Variants in CCSER1 observed in about 807,000 individuals in gnomAD.
CCSER1 encodes serine-rich coiled-coil domain-containing protein 1.
In CCSER1, 41 loss-of-function variants were observed where a neutral mutation model predicts 82.0. That is an observed-to-expected ratio of 0.50 (90% CI 0.39 to 0.65). The LOEUF (loss-of-function observed/expected upper bound fraction) is 0.65. Among genes scored for constraint, CCSER1 ranks in the 30% least tolerant of loss-of-function variants. The pLI, the probability that CCSER1 is intolerant of heterozygous loss-of-function variation, is 0.00. For synonymous variants in CCSER1, 414 were observed against 383.9 expected (o/e 1.08, Z -0.92); for missense variants, 1,119 against 1,064.2 (o/e 1.05, Z -0.72).
At chr4:90,569,437 A>G (rs569430217) in intron 5 of CCSER1, among the ~76,000 whole-genome samples, 6 of 152,310 alleles carry the variant, frequency 3.9e-5, no homozygotes, top group Non-Finnish European at 8.8e-5. Flanking sequence ...ACCATGATCA[A>G]AAAGAGAGGA....
rs565969122 is a variant in CCSER1, at chr4:90,851,476, G to A, written c.2094+35631G>A. On this transcript the variant is annotated intron_variant, in intron 8 of 10. Transcript: ENST00000509176. ...GTACATGGGGAGGGGTGGGGGGGGCGCTGTCCAGTTTTTAAATGGTTGAGA... is the reference window on the plus strand; with the variant it reads ...GTACATGGGGAGGGGTGGGGGGGGCACTGTCCAGTTTTTAAATGGTTGAGA... Among the ~76,000 whole-genome samples, 4 of 151,220 alleles carry A rather than the reference G, an allele frequency of 2.6e-5. No homozygotes were observed. In the East Asian group the frequency reaches 5.9e-4, roughly 22 times the overall value.
At chr4:90,988,582 T>A (rs910595722) in intron 9 of CCSER1, among the ~76,000 whole-genome samples, 1 of 151,712 alleles carries the variant, frequency 6.6e-6, no homozygotes, top group African/African-American at 2.4e-5. Context: ...AACAAAGTGA[T>A]GTTTCTAAAA....
chr4:90,748,283 G>A (rs367647025), intron 7 of CCSER1, among the ~76,000 whole-genome samples: 8,338 of 145,594 alleles, frequency 0.057, 332 homozygotes, highest in Admixed American at 0.11. Context: ...GAGAATATGC[G>A]GTGTTGGGTT....
At chr4:91,229,425 T>C (rs1738450556) in intron 10 of CCSER1, among the ~76,000 whole-genome samples, 1 of 151,986 alleles carries the variant, frequency 6.6e-6, no homozygotes, top group Admixed American at 6.6e-5. Flanking sequence ...TAAAAAATTA[T>C]GTTAGTCTTA....
Position 90,684,609 on chromosome 4 carries a change from TAG to T in CCSER1, c.1933-39302_1933-39301del, listed in dbSNP as rs1207166326. Among the ~76,000 whole-genome samples, 8 of 152,264 alleles carry T rather than the reference TAG, an allele frequency of 5.3e-5. No individual in the cohort carries two copies. The South Asian group carries it at 1.7e-3, about 32-fold the overall frequency. ...GAAACATAGAAAGCAATAAAAAGGT[TAG>T]AGTTATTCATTAATATAATTAGTTG... On this transcript the variant is annotated intron_variant, in intron 6 of 10. Transcript: ENST00000509176.
chr4:90,879,713 AAAG>A (rs996302076), intron 8 of CCSER1, among the ~76,000 whole-genome samples: 8 of 150,446 alleles, frequency 5.3e-5, no homozygotes, highest in Admixed American at 2.0e-4. Flanking sequence ...AAGAAAGAAG[AAAG>A]AAGAACTCTT....
At chr4:91,555,376 T>C (rs771812120) in intron 10 of CCSER1, among the ~76,000 whole-genome samples, 3 of 151,112 alleles carry the variant, frequency 2.0e-5, no homozygotes, top group African/African-American at 2.4e-5. Flanking sequence ...TTATATATTG[T>C]ATGACTTGAA....
chr4:91,276,621 A>G (rs1382033648), intron 10 of CCSER1, among the ~76,000 whole-genome samples: 1 of 151,966 alleles, frequency 6.6e-6, no homozygotes, highest in Non-Finnish European at 1.5e-5. Flanking sequence ...CATTTTTTCA[A>G]TTTGGAATGC....
intron 10 of CCSER1, among the ~76,000 whole-genome samples, chr4:91,227,165 TTTAG>T (rs1011823402): frequency 2.0e-5 from 3 of 151,908 alleles, no homozygotes; most frequent in Non-Finnish European, 4.4e-5. Context: ...ACAATTTAAT[TTTAG>T]TTAGTTATCT....
chr4:91,585,860 A>G (rs2110327110), intron 10 of CCSER1, among the ~76,000 whole-genome samples: 2 of 151,832 alleles, frequency 1.3e-5, no homozygotes, highest in South Asian at 4.1e-4. Context: ...AGGCCATTAC[A>G]AGAATATTTA....
At chr4:90,189,539 T>C (rs1735233637) in intron 1 of CCSER1, among the ~76,000 whole-genome samples, 1 of 151,930 alleles carries the variant, frequency 6.6e-6, no homozygotes, top group Non-Finnish European at 1.5e-5. Flanking sequence ...TATGTATATA[T>C]ATAGATGTGT....
Position 91,600,838 on chromosome 4 carries a change from A to G in CCSER1, c.*1781A>G, listed in dbSNP as rs1420707681. 1 of 152,166 alleles carries G rather than the reference A, an allele frequency of 6.6e-6. No homozygotes were observed. Among genetic ancestry groups the G allele is most frequent in the South Asian group, 2.1e-4 (1 of 4,838 alleles). The allele number at this position is 152,166 out of a possible 1,614,324, so 9.4% of individuals were successfully genotyped here. ...TTTGCGTGTTTGTAATTCTGCCAAA[A>G]GAGAACAATATACACTGCAAATTGC... On this transcript the variant is annotated 3_prime_UTR_variant, in exon 11 of 11. Coordinates refer to ENST00000509176, the MANE Select transcript of CCSER1 (RefSeq NM_001145065.2).
intron 10 of CCSER1, among the ~76,000 whole-genome samples, chr4:91,383,611 T>C (rs1028584644): frequency 6.6e-6 from 1 of 152,150 alleles, no homozygotes; most frequent in Non-Finnish European, 1.5e-5. Flanking sequence ...TTTTGTGCTA[T>C]AGTTTCAAAG....
At chr4:90,918,186 G>T (rs1253503825) in intron 8 of CCSER1, 1 of 441,464 alleles carries the variant, frequency 2.3e-6, no homozygotes, top group Non-Finnish European at 4.5e-6. Context: ...ACTAGTGTCT[G>T]TTAATTGTAT....
At chr4:90,724,123 C>CT in intron 7 of CCSER1, 132 bp downstream of exon 7, 1 of 524,254 alleles carries the variant, frequency 1.9e-6, no homozygotes, top group East Asian at 3.2e-5. Context: ...ATCTTAAAAT[C>CT]GTTTTTTTGT....
chr4:91,451,064 G>A (rs943785993), intron 10 of CCSER1, among the ~76,000 whole-genome samples: 6 of 133,850 alleles, frequency 4.5e-5, no homozygotes, highest in East Asian at 2.6e-4. Flanking sequence ...TTCAGTGTCC[G>A]GTGAATGTGA....
chr4:90,586,255 C>A (rs191818522), intron 5 of CCSER1, among the ~76,000 whole-genome samples: 54 of 152,286 alleles, frequency 3.5e-4, no homozygotes, highest in Admixed American at 7.2e-4. Flanking sequence ...TATACCCCCC[C>A]ACCCCAGTTT....
intron 10 of CCSER1, among the ~76,000 whole-genome samples, chr4:91,437,107 T>A (rs115309793): frequency 6.6e-6 from 1 of 152,204 alleles, no homozygotes; most frequent in Admixed American, 6.5e-5. Context: ...TCCTTGCCTT[T>A]GCATTTAAAT....
chr4:91,469,590 A>G (rs1757149027), intron 10 of CCSER1, among the ~76,000 whole-genome samples: 2 of 152,164 alleles, frequency 1.3e-5, no homozygotes, highest in African/African-American at 2.4e-5. Flanking sequence ...ATACCAGTCT[A>G]GACTAACCTA....
Sources: gnomAD v4.1 joint callset for allele counts (sites outside exome capture counted in the v4.1 genomes callset) on GRCh38, gnomAD v4.1.1 for gene constraint, MANE v1.5 for transcripts, NCBI Gene and HGNC (gene_info 2026-07-23, HGNC 2026-07-21) for gene names.